DCDC2: variants seen among roughly 807,000 people sequenced by gnomAD.
DCDC2 encodes doublecortin domain containing 2, also known as doublecortin domain-containing protein 2.
Under a neutral mutation model 50.2 loss-of-function variants are expected in DCDC2, and 40 were observed. The ratio of observed to expected loss-of-function variants is 0.80; its 90% CI spans 0.62 to 1.04. DCDC2 has a LOEUF of 1.04. Among genes scored for constraint, DCDC2 ranks in the 50% least tolerant of loss-of-function variants. DCDC2 has a pLI of 0.00. For missense variants in DCDC2, 570 were observed against 581.9 expected (o/e 0.98, Z 0.21); for synonymous variants, 234 against 210.6 (o/e 1.11, Z -0.96).
chr6:24,346,880 G>C (rs1581664042), intron 2 of DCDC2, among the ~76,000 whole-genome samples: 1 of 152,190 alleles, frequency 6.6e-6, no homozygotes, highest in East Asian at 1.9e-4. Flanking sequence ...AAGAGAACAA[G>C]AGAATCCATA....
intron 7 of DCDC2, among the ~76,000 whole-genome samples, chr6:24,265,102 A>T (rs1763091136): frequency 3.3e-5 from 5 of 152,200 alleles, no homozygotes; most frequent in Admixed American, 3.3e-4. Context: ...GGAGTTCAAG[A>T]CCAGCCTGGG....
chr6:24,353,287 C>T (rs190254728), intron 2 of DCDC2: 6 of 503,826 alleles, frequency 1.2e-5, no homozygotes, highest in Non-Finnish European at 2.4e-5. Flanking sequence ...TGACAGGGAA[C>T]CTTCCCATGG....
intron 8 of DCDC2, among the ~76,000 whole-genome samples, chr6:24,179,547 CAAAAAAAAAAAAAA>C (rs56731018): frequency 2.0e-5 from 1 of 49,574 alleles, no homozygotes; most frequent in African/African-American, 9.3e-5. Context: ...GACACCATCT[CAAAAAAAAAAAAAA>C]AAAAAAAAAA....
intron 7 of DCDC2, among the ~76,000 whole-genome samples, chr6:24,215,241 G>A (rs1761949428): frequency 6.6e-6 from 1 of 152,170 alleles, no homozygotes; most frequent in Admixed American, 6.5e-5. Context: ...ATATGCAAAG[G>A]CTTGGAGGCA....
intron 7 of DCDC2, among the ~76,000 whole-genome samples, chr6:24,209,075 C>A (rs1761796415): frequency 6.6e-6 from 1 of 152,104 alleles, no homozygotes; most frequent in Admixed American, 6.6e-5. Context: ...GGAAAAGAAT[C>A]CGAATGATAT....
At chr6:24,185,203 C>T (rs1309944069) in intron 8 of DCDC2, among the ~76,000 whole-genome samples, 3 of 152,042 alleles carry the variant, frequency 2.0e-5, no homozygotes, top group Non-Finnish European at 4.4e-5. Context: ...TAATTTCTTT[C>T]TAGGAAAGAA....
intron 2 of DCDC2, among the ~76,000 whole-genome samples, chr6:24,344,919 AG>A (rs1760228507): frequency 6.6e-6 from 1 of 152,298 alleles, no homozygotes; most frequent in South Asian, 2.1e-4. Flanking sequence ...GTGGGGGAAA[AG>A]GTATAAAATA....
intron 4 of DCDC2, 138 bp downstream of exon 4, chr6:24,301,577 A>T: frequency 1.1e-6 from 1 of 935,670 alleles, no homozygotes; most frequent in Non-Finnish European, 1.6e-6. Flanking sequence ...TCTCCATTCT[A>T]CAGATAAAGA....
chr6:24,240,771 CA>C (rs1762548028), intron 7 of DCDC2, among the ~76,000 whole-genome samples: 1 of 152,138 alleles, frequency 6.6e-6, no homozygotes, highest in Admixed American at 6.6e-5. Flanking sequence ...GGTAAGACAG[CA>C]AATCAATCCC....
chr6:24,360,964 AAG>A (rs904654019), upstream of DCDC2, among the ~76,000 whole-genome samples: 1 of 151,938 alleles, frequency 6.6e-6, no homozygotes, highest in Non-Finnish European at 1.5e-5. Context: ...TAGAAAACGA[AAG>A]AGAGAGAGAG....
chr6:24,225,721 C>T (rs1762219763), intron 7 of DCDC2, among the ~76,000 whole-genome samples: 1 of 152,196 alleles, frequency 6.6e-6, no homozygotes, highest in Admixed American at 6.5e-5. Flanking sequence ...CACAGACACA[C>T]ACAAATATAA....
chr6:24,377,756 G>C, the DCDC2 span, among the ~76,000 whole-genome samples: 1 of 152,152 alleles, frequency 6.6e-6, no homozygotes, highest in Non-Finnish European at 1.5e-5. Context: ...GGGAGGCCGA[G>C]GGGGGTGGAT....
intron 7 of DCDC2, among the ~76,000 whole-genome samples, chr6:24,231,695 G>C (rs1762339327): frequency 6.6e-6 from 1 of 151,834 alleles, no homozygotes; most frequent in Admixed American, 6.6e-5. Context: ...GGAATAGCAG[G>C]AGACATTAAA....
At chr6:24,236,469 C>T (rs766425057) in intron 7 of DCDC2, among the ~76,000 whole-genome samples, 10 of 152,168 alleles carry the variant, frequency 6.6e-5, no homozygotes, top group Non-Finnish European at 1.2e-4. Flanking sequence ...AAACAGTATT[C>T]TGGACATTGG....
chr6:24,359,361 AT>A (rs1561789509), upstream of DCDC2, among the ~76,000 whole-genome samples: 6 of 34,102 alleles, frequency 1.8e-4, no homozygotes, highest in African/African-American at 6.1e-4. Flanking sequence ...TTTTATGTAT[AT>A]TATATATTAT....
At chr6:24,204,371 G>C (rs1315504912) in intron 8 of DCDC2, among the ~76,000 whole-genome samples, 1 of 152,150 alleles carries the variant, frequency 6.6e-6, no homozygotes, top group East Asian at 1.9e-4. Flanking sequence ...ATCATTCTCA[G>C]CAAACTAACA....
chr6:24,262,935 G>C (rs1195374801), intron 7 of DCDC2, among the ~76,000 whole-genome samples: 1 of 152,218 alleles, frequency 6.6e-6, no homozygotes, highest in African/African-American at 2.4e-5. Flanking sequence ...TGTTGCCCTG[G>C]CTTTAGGTCT....
the DCDC2 span, among the ~76,000 whole-genome samples, chr6:24,371,850 C>T: frequency 2.6e-5 from 4 of 152,172 alleles, no homozygotes; most frequent in Non-Finnish European, 5.9e-5. Flanking sequence ...GACATTTATG[C>T]AGCCAAAAGA....
chr6:24,192,824 A>T (rs768073630), intron 8 of DCDC2, among the ~76,000 whole-genome samples: 13 of 152,116 alleles, frequency 8.5e-5, no homozygotes, highest in Non-Finnish European at 1.5e-4. Flanking sequence ...AACAGTAGGG[A>T]AAGGAAGAGA....
Sources: gnomAD v4.1 joint callset for allele counts (sites outside exome capture counted in the v4.1 genomes callset) on GRCh38, gnomAD v4.1.1 for gene constraint, MANE v1.5 for transcripts, NCBI Gene and HGNC (gene_info 2026-07-23, HGNC 2026-07-21) for gene names.